Variants in B3GALT1 observed in about 807,000 individuals in gnomAD.
B3GALT1 encodes UDP-Gal:betaGlcNAc beta 1,3-galactosyltransferase, polypeptide 1.
In B3GALT1, 10 loss-of-function variants were observed where a neutral mutation model predicts 23.2. The observed-to-expected ratio is 0.43, with a 90% CI of 0.27 to 0.73. The LOEUF is 0.73. Ranked by LOEUF, B3GALT1 falls within the 30% of genes least tolerant of loss-of-function variation. The pLI, the probability that B3GALT1 is intolerant of heterozygous loss-of-function variation, is 0.21. For synonymous variants in B3GALT1, 156 were observed against 141.5 expected (o/e 1.10, Z -0.73); for missense variants, 299 against 405.4 (o/e 0.74, Z 2.25).
In B3GALT1 at chr2:167,871,722, C is replaced by G. The variant is rs1690350026; in HGVS notation, c.*1702C>G. ...TCAGGAACCACTGAATCTGAATTCT[C>G]TCTAAGAAATTTGAGCGCAGGTAAA... On this transcript the variant is annotated 3_prime_UTR_variant, in exon 5 of 5. Transcript: ENST00000392690. 6.6e-6 allele frequency: 1 copy of G among 152,104 alleles called. No homozygotes were observed. Among genetic ancestry groups the G allele is most frequent in the Admixed American group, 6.5e-5 (1 of 15,278 alleles). The allele number at this position is 152,104 out of a possible 1,614,324, so 9.4% of individuals were successfully genotyped here.
At chr2:167,424,055 A>C (rs1402569191) in intron 1 of B3GALT1, among the ~76,000 whole-genome samples, 1 of 152,190 alleles carries the variant, frequency 6.6e-6, no homozygotes, top group Non-Finnish European at 1.5e-5. Flanking sequence ...AATGCTTTCA[A>C]ATGTCCAGAT....
chr2:167,805,406 C>T (rs191158468), intron 3 of B3GALT1, among the ~76,000 whole-genome samples: 1,588 of 152,274 alleles, frequency 0.01, 27 homozygotes, highest in South Asian at 0.06. Context: ...CTTGCCCCTG[C>T]CTATGTCCTG....
Position 167,517,398 on chromosome 2 carries a change from G to A in B3GALT1, c.-410+27121G>A, listed in dbSNP as rs750088820. ...AAGAAAATCTTCTCAAAGCAAAATAGTTTTTAGTAAAGAAGGAGTTAAAAA... is the reference window on the plus strand; with the variant it reads ...AAGAAAATCTTCTCAAAGCAAAATAATTTTTAGTAAAGAAGGAGTTAAAAA... On this transcript the variant is annotated intron_variant, in intron 2 of 4. Coordinates refer to ENST00000392690, the MANE Select transcript of B3GALT1 (RefSeq NM_020981.4). 6.3e-4 allele frequency among the ~76,000 whole-genome samples: 96 copies of A among 151,826 alleles called. 1 individual carries two copies. The highest frequency in any genetic ancestry group is 2.6e-4 in the Admixed American group (4 of 15,246).
intron 1 of B3GALT1, among the ~76,000 whole-genome samples, chr2:167,300,477 A>G (rs1048266004): frequency 6.6e-6 from 1 of 152,248 alleles, no homozygotes; most frequent in African/African-American, 2.4e-5. Context: ...AATAACAAGT[A>G]GGTTATAACA....
chr2:167,864,062 G>A (rs1353107285), intron 4 of B3GALT1, among the ~76,000 whole-genome samples: 1 of 151,920 alleles, frequency 6.6e-6, no homozygotes, highest in Admixed American at 6.6e-5. Flanking sequence ...AACCTGCAAT[G>A]TGTTTCTAAA....
At chr2:167,820,761 C>T (rs2105364918) in intron 4 of B3GALT1, among the ~76,000 whole-genome samples, 1 of 152,352 alleles carries the variant, frequency 6.6e-6, no homozygotes, top group South Asian at 2.1e-4. Context: ...AAGCGTTAAG[C>T]TTCGCTGATT....
At chr2:167,419,130 G>A (rs1698511966) in intron 1 of B3GALT1, among the ~76,000 whole-genome samples, 1 of 152,130 alleles carries the variant, frequency 6.6e-6, no homozygotes, top group Admixed American at 6.5e-5. Flanking sequence ...TTTGACCATA[G>A]CTTAGGAAAA....
At chr2:167,580,936 T>C (rs974541100) in intron 2 of B3GALT1, among the ~76,000 whole-genome samples, 1 of 152,202 alleles carries the variant, frequency 6.6e-6, no homozygotes, top group Non-Finnish European at 1.5e-5. Flanking sequence ...TCTACTATTA[T>C]ATATTTGATT....
intron 2 of B3GALT1, among the ~76,000 whole-genome samples, chr2:167,609,734 A>C (rs1685026640): frequency 6.6e-6 from 1 of 152,166 alleles, no homozygotes; most frequent in South Asian, 2.1e-4. Context: ...GGCAAAGAGG[A>C]TGGAATGCCC....
rs149534594 is a variant in B3GALT1 at position 167,790,860 on chromosome 2, A to T, written c.-351-27812A>T. ...TAATGGCTGTTCCCTAAGCTACAAAAACACCAAGCCAAACTTTGAAATTAT... is the reference window on the plus strand; with the variant it reads ...TAATGGCTGTTCCCTAAGCTACAAATACACCAAGCCAAACTTTGAAATTAT... On this transcript the variant is annotated intron_variant, in intron 3 of 4. Coordinates refer to ENST00000392690, the MANE Select transcript of B3GALT1 (RefSeq NM_020981.4). Among the ~76,000 whole-genome samples the T allele has an allele frequency of 4.9e-3, 740 of 152,302 alleles. 22 individuals are homozygous for T. The highest frequency in any genetic ancestry group is 0.038 in the Admixed American group (577 of 15,298).
intron 2 of B3GALT1, among the ~76,000 whole-genome samples, chr2:167,549,697 G>A (rs1390877934): frequency 2.0e-5 from 3 of 152,148 alleles, no homozygotes; most frequent in African/African-American, 7.2e-5. Flanking sequence ...CATTCAGTGA[G>A]TATTTAATAT....
rs570916402 is a variant in B3GALT1, at chr2:167,435,982, C to T, written c.-510-54195C>T. 7.8e-4 allele frequency among the ~76,000 whole-genome samples: 80 copies of T among 102,900 alleles called. 1 individual carries two copies. Among genetic ancestry groups the T allele is most frequent in the South Asian group, 3.4e-3 (11 of 3,204 alleles). The allele number at this position is 102,900 out of a possible 152,430, so 67.5% of individuals were successfully genotyped here. The stretch of plus-strand genomic sequence containing the variant: ...ACACACACACACACACACACACACA[C>T]GCACACACACACACGCACTAGTCCA... On this transcript the variant is annotated intron_variant, in intron 1 of 4. Transcript: ENST00000392690.
intron 1 of B3GALT1, among the ~76,000 whole-genome samples, chr2:167,440,294 G>A (rs1698858593): frequency 7.3e-6 from 1 of 136,210 alleles, no homozygotes; most frequent in African/African-American, 2.8e-5. Flanking sequence ...AGTGAGCCAA[G>A]ATTGCACCAC....
At chr2:167,811,000 G>A (rs1688877480) in intron 3 of B3GALT1, among the ~76,000 whole-genome samples, 1 of 152,180 alleles carries the variant, frequency 6.6e-6, no homozygotes, top group South Asian at 2.1e-4. Flanking sequence ...AGAGTGGCAA[G>A]CTGTCCAGGT....
chr2:167,451,778 C>T (rs1294881732), intron 1 of B3GALT1, among the ~76,000 whole-genome samples: 1 of 152,168 alleles, frequency 6.6e-6, no homozygotes, highest in Non-Finnish European at 1.5e-5. Context: ...CTTTGGCTAC[C>T]AGGGCGGGTA....
chr2:167,434,662 A>G (rs1227625377), intron 1 of B3GALT1, among the ~76,000 whole-genome samples: 2 of 152,026 alleles, frequency 1.3e-5, no homozygotes, highest in African/African-American at 4.8e-5. Context: ...ATGTATTCAC[A>G]AAGTGTTTAG....
At chr2:167,780,840 T>G (rs141412747) in intron 3 of B3GALT1, among the ~76,000 whole-genome samples, 1 of 152,322 alleles carries the variant, frequency 6.6e-6, no homozygotes, top group East Asian at 1.9e-4. Flanking sequence ...CTATGGTCAT[T>G]GACAGAATAC....
intron 1 of B3GALT1, among the ~76,000 whole-genome samples, chr2:167,438,808 A>T (rs1698829528): frequency 6.6e-6 from 1 of 152,200 alleles, no homozygotes; most frequent in Non-Finnish European, 1.5e-5. Context: ...TTTCCCCACC[A>T]CATTTCAAAC....
intron 1 of B3GALT1, among the ~76,000 whole-genome samples, chr2:167,404,630 T>G (rs911132390): frequency 1.3e-5 from 2 of 152,210 alleles, no homozygotes; most frequent in African/African-American, 4.8e-5. Flanking sequence ...TAAGTCCTCT[T>G]TTCATAGTAA....
Sources: gnomAD v4.1 joint callset for allele counts (sites outside exome capture counted in the v4.1 genomes callset) on GRCh38, gnomAD v4.1.1 for gene constraint, MANE v1.5 for transcripts, NCBI Gene and HGNC (gene_info 2026-07-23, HGNC 2026-07-21) for gene names.